FRMD3: variants seen among roughly 807,000 people sequenced by gnomAD.
The protein encoded by FRMD3 is FERM domain containing 3.
Under a neutral mutation model 70.2 loss-of-function variants are expected in FRMD3, and 33 were observed. The ratio of observed to expected loss-of-function variants is 0.47; its 90% CI spans 0.36 to 0.63. The LOEUF is 0.63. FRMD3 is among the 20% of genes least tolerant of loss of function. The pLI is 0.00. For missense variants in FRMD3, 632 were observed against 711.4 expected (o/e 0.89, Z 1.27); for synonymous variants, 279 against 255.9 (o/e 1.09, Z -0.86).
chr9:83,397,360 C>G (rs1825836661), intron 1 of FRMD3, among the ~76,000 whole-genome samples: 1 of 152,170 alleles, frequency 6.6e-6, no homozygotes. Flanking sequence ...AGAAAGCGAT[C>G]CTTGAAAGAG....
At chr9:83,243,893 C>T (rs186982018), downstream of FRMD3, among the ~76,000 whole-genome samples, 6 of 152,162 alleles carry the variant, frequency 3.9e-5, no homozygotes, top group Non-Finnish European at 5.9e-5. Flanking sequence ...GTCAAGGCTA[C>T]GCTGGGCAGA....
chr9:83,341,357 G>C (rs1283130925), intron 5 of FRMD3, among the ~76,000 whole-genome samples: 2 of 152,142 alleles, frequency 1.3e-5, no homozygotes, highest in Non-Finnish European at 1.5e-5. Context: ...CTGGATGGAG[G>C]CTCCGTGGCT....
chr9:83,338,809 T>C (rs1365405516), intron 5 of FRMD3, among the ~76,000 whole-genome samples: 2 of 152,178 alleles, frequency 1.3e-5, no homozygotes, highest in African/African-American at 4.8e-5. Context: ...TCCATGGGCC[T>C]AAAGGGACCA....
At chr9:83,314,705 C>T (rs1286871179) in intron 6 of FRMD3, among the ~76,000 whole-genome samples, 1 of 152,136 alleles carries the variant, frequency 6.6e-6, no homozygotes, top group East Asian at 1.9e-4. Context: ...CGTCTGAAGT[C>T]ACTGTGGTAT....
chr9:83,565,319 G>A, the FRMD3 span, among the ~76,000 whole-genome samples: 1 of 152,304 alleles, frequency 6.6e-6, no homozygotes, highest in Non-Finnish European at 1.5e-5. Flanking sequence ...AAGACTTAAG[G>A]TCAGAGAGTT....
At chr9:83,438,641 C>T (rs1237563208) in intron 1 of FRMD3, among the ~76,000 whole-genome samples, 1 of 152,164 alleles carries the variant, frequency 6.6e-6, no homozygotes, top group African/African-American at 2.4e-5. Context: ...CTCAGGTGAT[C>T]CACCCGCCTC....
intron 5 of FRMD3, among the ~76,000 whole-genome samples, chr9:83,341,069 C>T (rs1823738234): frequency 6.6e-6 from 1 of 152,226 alleles, no homozygotes; most frequent in South Asian, 2.1e-4. Context: ...ACTCCATCTT[C>T]CCTATTACTC....
intron 13 of FRMD3, among the ~76,000 whole-genome samples, chr9:83,284,810 TCAGA>T (rs1320910556): frequency 4.6e-5 from 7 of 152,240 alleles, no homozygotes; most frequent in African/African-American, 1.2e-4. Flanking sequence ...AATGTTCACG[TCAGA>T]CAGGCAGGGA....
chr9:83,248,090 A>C lies in FRMD3; in HGVS notation c.1622T>G (p.Phe541Cys). Residue 541 changes from phenylalanine to cysteine, a missense_variant, in exon 14 of 14, where the codon TTT becomes TGT. Physicochemically the swap from Phe to Cys is radical, Grantham distance 205 (BLOSUM62 -2). Around this residue, in one of 3 missense-constraint regions of FRMD3, gnomAD observed 418 missense variants for 442.1 expected, o/e 0.95. Transcript: ENST00000304195. ...AAGGAGGAGGAGCAGGGGAAATACA[A>C]AGAGCAGCAGTCCCAGGCCCACCAC... is the stretch of plus-strand genomic sequence containing the variant. ...LLVVGLGLLL[F>C]VFPLLLLLLE... 7 of 1,614,180 alleles carry C rather than the reference A, an allele frequency of 4.3e-6. No individual in the cohort carries two copies. Among genetic ancestry groups the C allele is most frequent in the Non-Finnish European group, 5.9e-6 (7 of 1,180,036 alleles).
At chr9:83,548,664 T>C in the FRMD3 span, among the ~76,000 whole-genome samples, 1 of 152,142 alleles carries the variant, frequency 6.6e-6, no homozygotes, top group African/African-American at 2.4e-5. Flanking sequence ...CCTAACATTA[T>C]GCATTTGTCA....
intron 10 of FRMD3, among the ~76,000 whole-genome samples, chr9:83,308,120 T>C (rs1343437831): frequency 1.3e-5 from 2 of 152,206 alleles, no homozygotes; most frequent in African/African-American, 4.8e-5. Flanking sequence ...GTTCAAATTA[T>C]GCTCCTGGGT....
intron 1 of FRMD3, among the ~76,000 whole-genome samples, chr9:83,500,572 G>C (rs572785022): frequency 1.7e-3 from 245 of 141,582 alleles, no homozygotes; most frequent in Non-Finnish European, 2.9e-3. Context: ...CACACTTTGA[G>C]AACCATCAGT....
At chr9:83,377,352 AC>A (rs1390735840) in intron 2 of FRMD3, among the ~76,000 whole-genome samples, 1 of 152,254 alleles carries the variant, frequency 6.6e-6, no homozygotes, top group Non-Finnish European at 1.5e-5. Context: ...AGGAGTGTTA[AC>A]CAAAGAAAAC....
rs189069929 is a variant in FRMD3, at chr9:83,425,299, G to T, written c.148-35591C>A. ...GAGCTTGTAACAAGGTCCCCTGCAT[G>T]AGAATTAGCAGCCAGAGTACAACCT... On this transcript the variant is annotated intron_variant, in intron 1 of 13. Coordinates refer to ENST00000304195, the MANE Select transcript of FRMD3 (RefSeq NM_174938.6). 3.4e-3 allele frequency among the ~76,000 whole-genome samples: 517 copies of T among 152,296 alleles called. 3 individuals carry two copies. Among genetic ancestry groups the T allele is most frequent in the African/African-American group, 0.012 (496 of 41,550 alleles).
chr9:83,261,754 C>T (rs559976459), intron 13 of FRMD3, among the ~76,000 whole-genome samples: 1 of 152,318 alleles, frequency 6.6e-6, no homozygotes, highest in South Asian at 2.1e-4. Flanking sequence ...GGAAACTGCA[C>T]ACTCTATCAC....
chr9:83,449,828 A>C (rs1164780727), intron 1 of FRMD3, among the ~76,000 whole-genome samples: 1 of 152,240 alleles, frequency 6.6e-6, no homozygotes, highest in Admixed American at 6.5e-5. Context: ...CAGTATGTTA[A>C]GATTGGAAAC....
intron 1 of FRMD3, among the ~76,000 whole-genome samples, chr9:83,474,778 C>T (rs1462144834): frequency 6.6e-6 from 1 of 151,802 alleles, no homozygotes; most frequent in African/African-American, 2.4e-5. Flanking sequence ...CCACCACCAC[C>T]ACTGAGGTAT....
chr9:83,417,339 C>T (rs1303230651), intron 1 of FRMD3, among the ~76,000 whole-genome samples: 3 of 152,112 alleles, frequency 2.0e-5, no homozygotes, highest in Non-Finnish European at 2.9e-5. Context: ...TCTCAGGGAG[C>T]TTATATTCTA....
chr9:83,464,742 G>A (rs1216340598), intron 1 of FRMD3, among the ~76,000 whole-genome samples: 1 of 152,186 alleles, frequency 6.6e-6, no homozygotes, highest in East Asian at 1.9e-4. Flanking sequence ...TTCCTGGCCA[G>A]GCACAGTGGC....
Sources: allele counts gnomAD v4.1 joint callset (sites outside exome capture counted in the v4.1 genomes callset), GRCh38; gene constraint gnomAD v4.1.1; regional missense constraint gnomAD v4.1.1; transcripts MANE v1.5; gene names NCBI Gene and HGNC (gene_info 2026-07-23, HGNC 2026-07-21).